Variants in CCDC171 observed in about 807,000 individuals in gnomAD.
The protein encoded by CCDC171 is coiled-coil domain containing 171, also known as coiled-coil domain-containing protein 171.
Under a neutral mutation model 168.2 loss-of-function variants are expected in CCDC171, and 177 were observed. The ratio of observed to expected loss-of-function variants is 1.05; its 90% CI spans 0.93 to 1.19. The LOEUF (loss-of-function observed/expected upper bound fraction) is 1.19, where lower values mean the gene tolerates loss of function less well. Ranked by LOEUF, CCDC171 falls within the 50% of genes most tolerant of loss-of-function variation. CCDC171 has a pLI of 0.00. For missense variants in CCDC171, 1,991 were observed against 1,539.0 expected, an observed-to-expected ratio of 1.29 and a Z score of -4.91; for synonymous variants, 687 against 540.8, an observed-to-expected ratio of 1.27 and a Z score of -3.75.
At chr9:15,730,816 A>G (rs1257035835) in intron 16 of CCDC171, among the ~76,000 whole-genome samples, 3 of 152,048 alleles carry the variant, frequency 2.0e-5, no homozygotes, top group Admixed American at 6.6e-5. Context: ...ACTATATTAT[A>G]TGCTCTGCAT....
Position 15,601,480 on chromosome 9 carries a change from G to C in CCDC171, c.675+7308G>C, listed in dbSNP as rs892598106. Among the ~76,000 whole-genome samples the C allele has an allele frequency of 3.9e-5, 6 of 152,234 alleles. No individual in the cohort carries two copies. The South Asian group carries it at 1.2e-3, about 32-fold the overall frequency. On this transcript the variant is annotated intron_variant, in intron 6 of 25. Coordinates refer to ENST00000380701, the MANE Select transcript of CCDC171 (RefSeq NM_173550.4). ...CCACGCTTTAGACCTCTTGTATTCT[G>C]TTTGTAGTTTGTGTAGTTAATTAGT...
intron 21 of CCDC171, among the ~76,000 whole-genome samples, chr9:15,822,185 A>T (rs1748184592): frequency 6.6e-6 from 1 of 152,228 alleles, no homozygotes; most frequent in African/African-American, 2.4e-5. Flanking sequence ...AATTAATTCA[A>T]GATGGATTAA....
intron 9 of CCDC171, among the ~76,000 whole-genome samples, chr9:15,677,879 C>CATATATATAT (rs71325929): frequency 2.4e-4 from 3 of 12,478 alleles, no homozygotes; most frequent in African/African-American, 6.8e-4. Flanking sequence ...GTGTGTGTGT[C>CATATATATAT]ATATATATAT....
intron 18 of CCDC171, among the ~76,000 whole-genome samples, chr9:15,761,396 T>C (rs1160721156): frequency 6.6e-6 from 1 of 152,148 alleles, no homozygotes; most frequent in Non-Finnish European, 1.5e-5. Flanking sequence ...TTGGCATATA[T>C]TTAAAAGTGC....
chr9:15,720,229 T>C (rs1454764843), intron 11 of CCDC171, among the ~76,000 whole-genome samples: 1 of 152,190 alleles, frequency 6.6e-6, no homozygotes, highest in East Asian at 1.9e-4. Flanking sequence ...GTAAAGTTGC[T>C]CTATCATTAA....
intron 3 of CCDC171, among the ~76,000 whole-genome samples, chr9:16,008,398 T>C (rs1291690088): frequency 6.6e-6 from 1 of 152,242 alleles, no homozygotes; most frequent in Non-Finnish European, 1.5e-5. Context: ...CATCTAAGTC[T>C]GACATACTTG....
intron 4 of CCDC171, among the ~76,000 whole-genome samples, 196 bp downstream of exon 4, chr9:15,579,219 G>A (rs528421218): frequency 1.3e-5 from 2 of 152,240 alleles, no homozygotes; most frequent in African/African-American, 4.8e-5. Flanking sequence ...ACTTTACATT[G>A]ATTTTTTTAT....
intron 15 of CCDC171, among the ~76,000 whole-genome samples, chr9:15,728,819 G>A (rs1439503977): frequency 4.0e-5 from 6 of 151,878 alleles, no homozygotes; most frequent in Non-Finnish European, 8.8e-5. Flanking sequence ...GTGCTCTTAA[G>A]GGACAAGAAG....
intron 6 of CCDC171, among the ~76,000 whole-genome samples, chr9:15,621,116 G>A (rs867501352): frequency 6.6e-5 from 10 of 151,950 alleles, no homozygotes; most frequent in East Asian, 1.9e-4. Flanking sequence ...ATAGATGTGC[G>A]CCACCACATC....
rs533240751 is a variant in CCDC171, at chr9:15,970,300, C to T, written c.3754-1309C>T. ...GTGATAAGCTTCCCTCTTGTTTTTACATGTAGCAACAATTTTGTATAACAT... is the reference window on the plus strand; with the variant it reads ...GTGATAAGCTTCCCTCTTGTTTTTATATGTAGCAACAATTTTGTATAACAT... On this transcript the variant is annotated intron_variant, in intron 25 of 25. Transcript: ENST00000380701. Among the ~76,000 whole-genome samples, 3 of 152,190 alleles carry T rather than the reference C, an allele frequency of 2.0e-5. No homozygotes were observed. The South Asian group carries it at 6.2e-4, about 32-fold the overall frequency.
At chr9:15,690,078 G>C (rs950269349) in intron 10 of CCDC171, among the ~76,000 whole-genome samples, 1 of 152,144 alleles carries the variant, frequency 6.6e-6, no homozygotes, top group African/African-American at 2.4e-5. Flanking sequence ...AAAACAAAAA[G>C]AAATGAGAAT....
At chr9:16,045,871 G>A (rs568825532) in intron 1 of CCDC171, among the ~76,000 whole-genome samples, 2 of 152,258 alleles carry the variant, frequency 1.3e-5, no homozygotes, top group East Asian at 1.9e-4. Context: ...CTAAGAAAAG[G>A]TTAGATAAAC....
the CCDC171 span, among the ~76,000 whole-genome samples, chr9:16,086,285 G>A: frequency 6.6e-6 from 1 of 151,652 alleles, no homozygotes; most frequent in Admixed American, 6.6e-5. Flanking sequence ...TATTTCTATG[G>A]GATCAGTGGT....
At chr9:15,900,916 G>C (rs1419864771) in intron 24 of CCDC171, among the ~76,000 whole-genome samples, 1 of 152,152 alleles carries the variant, frequency 6.6e-6, no homozygotes. Flanking sequence ...TAGCTCAGTT[G>C]CTTCCAGTGT....
At chr9:15,903,576 G>A (rs999302011) in intron 24 of CCDC171, among the ~76,000 whole-genome samples, 10 of 152,224 alleles carry the variant, frequency 6.6e-5, no homozygotes, top group African/African-American at 1.9e-4. Context: ...CAAAGATGGC[G>A]AAAAACAGAG....
intron 4 of CCDC171, among the ~76,000 whole-genome samples, chr9:15,590,906 G>T (rs866657614): frequency 1.8e-4 from 26 of 145,910 alleles, no homozygotes; most frequent in Admixed American, 3.5e-4. Flanking sequence ...TCTGAGAGGA[G>T]GTCTCCCTAT....
chr9:15,895,314 G>C (rs1393171224), intron 24 of CCDC171, among the ~76,000 whole-genome samples: 1 of 152,128 alleles, frequency 6.6e-6, no homozygotes, highest in Non-Finnish European at 1.5e-5. Flanking sequence ...TAACCATTCT[G>C]CACAGGTGTA....
At chr9:15,744,962 A>AT (rs762437459) in intron 17 of CCDC171, among the ~76,000 whole-genome samples, 185 bp downstream of exon 17, 6 of 152,284 alleles carry the variant, frequency 3.9e-5, no homozygotes, top group East Asian at 1.9e-4. Flanking sequence ...TTAGGCTGTG[A>AT]TTTTTTGTTT....
At chr9:15,996,085 C>T (rs962247883) in intron 3 of CCDC171, among the ~76,000 whole-genome samples, 48 of 152,196 alleles carry the variant, frequency 3.2e-4, no homozygotes, top group African/African-American at 1.1e-3. Context: ...CCAGTTTCTC[C>T]AACAATTGAC....
Sources: allele counts gnomAD v4.1 joint callset (sites outside exome capture counted in the v4.1 genomes callset), GRCh38; gene constraint gnomAD v4.1.1; transcripts MANE v1.5; gene names NCBI Gene and HGNC (gene_info 2026-07-23, HGNC 2026-07-21).